FER1L6: variants seen among roughly 807,000 people sequenced by gnomAD.
FER1L6 encodes the protein fer-1 like family member 6.
FER1L6 carries 177 observed loss-of-function variants against 219.2 expected under a neutral mutation model. That is an observed-to-expected ratio of 0.81 (90% CI 0.71 to 0.91). FER1L6 has a LOEUF of 0.91. FER1L6 is among the 40% of genes least tolerant of loss of function. The pLI is 0.00. For synonymous variants in FER1L6, 768 were observed against 824.3 expected (o/e 0.93, Z 1.17); for missense variants, 2,153 against 2,259.9 (o/e 0.95, Z 0.96).
chr8:124,024,821 C>T (rs1818632608), intron 18 of FER1L6, among the ~76,000 whole-genome samples: 1 of 152,196 alleles, frequency 6.6e-6, no homozygotes, highest in Non-Finnish European at 1.5e-5. Context: ...ACAGTCCCAT[C>T]AGCAGTATAA....
chr8:123,890,625 A>ATTTTTTT (rs59914385), intron 1 of FER1L6, among the ~76,000 whole-genome samples: 3,488 of 91,316 alleles, frequency 0.038, 360 homozygotes, highest in East Asian at 0.062. Flanking sequence ...TAAAAATTTG[A>ATTTTTTT]TTTTTTTTTT....
At chr8:124,118,971 C>G in intron 40 of FER1L6, 27 bp downstream of exon 40, 1 of 1,578,166 alleles carries the variant, frequency 6.3e-7, no homozygotes, top group African/African-American at 1.3e-5. Flanking sequence ...GTGGGAACAT[C>G]AGAAATGGGA....
At chr8:123,966,517 G>A (rs1355152643) in intron 5 of FER1L6, among the ~76,000 whole-genome samples, 2 of 152,172 alleles carry the variant, frequency 1.3e-5, no homozygotes, top group African/African-American at 4.8e-5. Context: ...TAAATTCACT[G>A]CTACGTTTTC....
chr8:123,894,327 A>G (rs1230275557), intron 1 of FER1L6, among the ~76,000 whole-genome samples: 1 of 152,162 alleles, frequency 6.6e-6, no homozygotes, highest in East Asian at 1.9e-4. Flanking sequence ...TTAGTTGGTC[A>G]GGAAGATGGA....
At chr8:124,113,309 G>A (rs889090584) in intron 39 of FER1L6, among the ~76,000 whole-genome samples, 4 of 151,906 alleles carry the variant, frequency 2.6e-5, no homozygotes, top group African/African-American at 9.7e-5. Flanking sequence ...ATATATTTGG[G>A]TATACTCCAT....
rs552961506 is a variant in FER1L6, at chr8:124,114,571, C to T, written c.5290-4273C>T. Among the ~76,000 whole-genome samples, 8 of 152,038 alleles carry T rather than the reference C, an allele frequency of 5.3e-5. No homozygotes were observed. In the Middle Eastern group the frequency reaches 0.01, roughly 194 times the overall value. On this transcript the variant is annotated intron_variant, in intron 39 of 40. Transcript: ENST00000522917. ...AGGGCAGATAAAATCCAAAATGAGTCTGGGATATCTCAGTGGGGCAAATAG... is the reference window on the plus strand; with the variant it reads ...AGGGCAGATAAAATCCAAAATGAGTTTGGGATATCTCAGTGGGGCAAATAG...
intron 1 of FER1L6, among the ~76,000 whole-genome samples, chr8:123,920,964 C>A (rs916283826): frequency 2.0e-5 from 3 of 152,136 alleles, no homozygotes; most frequent in African/African-American, 4.8e-5. Context: ...TCTTTTCGTG[C>A]CTAACTTATT....
intron 1 of FER1L6, among the ~76,000 whole-genome samples, chr8:123,892,926 A>G (rs933938438): frequency 6.6e-6 from 1 of 152,172 alleles, no homozygotes; most frequent in African/African-American, 2.4e-5. Flanking sequence ...GTTCTGAGGT[A>G]GTGTTTAACT....
At chr8:123,865,159 G>A (rs1234855808) in intron 1 of FER1L6, among the ~76,000 whole-genome samples, 22 of 148,740 alleles carry the variant, frequency 1.5e-4, no homozygotes, top group Non-Finnish European at 1.9e-4. Flanking sequence ...ATGGGTTTTC[G>A]GTGTGGATGT....
chr8:123,884,012 A>G (rs1231786833), intron 1 of FER1L6, among the ~76,000 whole-genome samples: 1 of 152,218 alleles, frequency 6.6e-6, no homozygotes, highest in Non-Finnish European at 1.5e-5. Flanking sequence ...ATATTTTTTA[A>G]GTGAGCTCCT....
At chr8:123,925,523 G>C (rs1813530774) in intron 1 of FER1L6, among the ~76,000 whole-genome samples, 1 of 152,182 alleles carries the variant, frequency 6.6e-6, no homozygotes, top group Admixed American at 6.5e-5. Flanking sequence ...TTGTAATTTT[G>C]GTGGCTGTGT....
chr8:123,943,451 C>T (rs1227765230), intron 1 of FER1L6, among the ~76,000 whole-genome samples: 2 of 152,142 alleles, frequency 1.3e-5, no homozygotes, highest in Non-Finnish European at 2.9e-5. Flanking sequence ...GAACAGAGGG[C>T]ACTCAATTTC....
At chr8:123,864,475 C>T (rs567494363) in intron 1 of FER1L6, among the ~76,000 whole-genome samples, 34 of 150,624 alleles carry the variant, frequency 2.3e-4, no homozygotes, top group South Asian at 1.3e-3. Flanking sequence ...TTGCTCTTCT[C>T]GAGGAGTATC....
At chr8:123,966,768 A>G (rs779005584) in intron 5 of FER1L6, among the ~76,000 whole-genome samples, 34 of 152,214 alleles carry the variant, frequency 2.2e-4, no homozygotes, top group Admixed American at 1.4e-3. Flanking sequence ...AATATCGTAC[A>G]TGCTAAATTC....
chr8:124,098,782 C>T (rs1243227432), intron 37 of FER1L6, among the ~76,000 whole-genome samples: 2 of 152,118 alleles, frequency 1.3e-5, no homozygotes, highest in African/African-American at 4.8e-5. Flanking sequence ...CTTCCAGAAG[C>T]TGACCTTCTG....
chr8:124,117,584 C>G (rs997111328), intron 39 of FER1L6, among the ~76,000 whole-genome samples: 2 of 152,162 alleles, frequency 1.3e-5, no homozygotes, highest in African/African-American at 2.4e-5. Context: ...AGTTCCAGTT[C>G]AAAGGATGAA....
chr8:123,902,033 T>C (rs1333189111), intron 1 of FER1L6, among the ~76,000 whole-genome samples: 1 of 152,180 alleles, frequency 6.6e-6, no homozygotes, highest in Non-Finnish European at 1.5e-5. Flanking sequence ...TCAAAGAATT[T>C]TTAAATTTCC....
intron 1 of FER1L6, among the ~76,000 whole-genome samples, chr8:123,936,121 C>T (rs192079211): frequency 7.4e-4 from 112 of 152,204 alleles, no homozygotes; most frequent in Non-Finnish European, 1.2e-3. Context: ...AATAACCTCT[C>T]GGTCAGATGC....
At chr8:123,906,106 G>A (rs1351596479) in intron 1 of FER1L6, among the ~76,000 whole-genome samples, 1 of 152,142 alleles carries the variant, frequency 6.6e-6, no homozygotes, top group African/African-American at 2.4e-5. Context: ...TTTGCCACTA[G>A]CCCTGTGGCT....
Sources: gnomAD v4.1 joint callset for allele counts (sites outside exome capture counted in the v4.1 genomes callset) on GRCh38, gnomAD v4.1.1 for gene constraint, MANE v1.5 for transcripts, NCBI Gene and HGNC (gene_info 2026-07-23, HGNC 2026-07-21) for gene names.